Variants in PSD3 observed in about 807,000 individuals in gnomAD.
The protein encoded by PSD3 is PH and SEC7 domain-containing protein 3.
PSD3 carries 49 observed loss-of-function variants against 105.5 expected under a neutral mutation model. The observed-to-expected ratio is 0.46, with a 90% CI of 0.37 to 0.59. The LOEUF is 0.59. PSD3 is among the 20% of genes least tolerant of loss of function. The probability of loss-of-function intolerance (pLI) is 0.00; values close to 1 mark genes in which losing one functional copy is unlikely to be tolerated. For missense variants in PSD3, 1,561 were observed against 1,263.8 expected (o/e 1.24, Z -3.57); for synonymous variants, 557 against 457.8 (o/e 1.22, Z -2.77).
chr8:18,608,414 T>C (rs189901644), intron 11 of PSD3, among the ~76,000 whole-genome samples: 2 of 152,314 alleles, frequency 1.3e-5, no homozygotes, highest in East Asian at 1.9e-4. Flanking sequence ...ACCAACAAGC[T>C]GCTGTGATCG....
intron 11 of PSD3, among the ~76,000 whole-genome samples, chr8:18,609,768 A>C (rs755245824): frequency 1.6e-4 from 24 of 152,232 alleles, no homozygotes; most frequent in Non-Finnish European, 2.8e-4. Context: ...GATTAAGTGA[A>C]GTTAAGGGTA....
intron 1 of PSD3, among the ~76,000 whole-genome samples, chr8:19,058,408 T>A (rs930177048): frequency 6.7e-6 from 1 of 148,528 alleles, no homozygotes; most frequent in Non-Finnish European, 1.5e-5. Flanking sequence ...TATAATATAA[T>A]CTATAATGTA....
chr8:18,871,915 G>T lies in PSD3; in HGVS notation c.949C>A (p.Gln317Lys). The T allele has an allele frequency of 2.5e-6, 4 of 1,614,162 alleles. No homozygotes were observed. Among genetic ancestry groups the T allele is most frequent in the Non-Finnish European group, 3.4e-6 (4 of 1,180,026 alleles). The change falls in exon 3 of 16, where the codon CAG becomes AAG. Residue 317 changes from glutamine (Q) to lysine (K), a missense_variant. By Grantham distance (53) the Gln-to-Lys change is moderately conservative. Coordinates refer to ENST00000327040, the MANE Select transcript of PSD3 (RefSeq NM_015310.4). ...GATGTCTCAAAATCTATAGGATGCT[G>T]GGTCTCTCTCTTGTCTCCTCCTGTC... ...LWTGGDKRET[Q>K]HPIDFETSLQ...
rs118086890 is a variant in PSD3, at chr8:18,687,238, C to T, written c.2173-31553G>A. ...CAGCACTTTGGGAGGCCAAGGCGGGCGGATCACATGAGTCCAAGAGTTCAA... is the reference window on the plus strand; with the variant it reads ...CAGCACTTTGGGAGGCCAAGGCGGGTGGATCACATGAGTCCAAGAGTTCAA... On this transcript the variant is annotated intron_variant, in intron 9 of 15. Transcript: ENST00000327040. 0.01 allele frequency among the ~76,000 whole-genome samples: 1,596 copies of T among 152,246 alleles called. 71 individuals carry two copies. The East Asian group carries it at 0.13, about 13-fold the overall frequency.
At chr8:18,821,712 CACACA>C (rs1812730265) in intron 4 of PSD3, among the ~76,000 whole-genome samples, 2 of 141,904 alleles carry the variant, frequency 1.4e-5, no homozygotes, top group Non-Finnish European at 3.1e-5. Flanking sequence ...CACACACACA[CACACA>C]CCCCAATAAC....
At chr8:18,862,861 T>C (rs1409455629) in intron 4 of PSD3, among the ~76,000 whole-genome samples, 12 of 147,986 alleles carry the variant, frequency 8.1e-5, no homozygotes, top group Non-Finnish European at 1.5e-5. Context: ...GCATTCCATT[T>C]GAGAAGGAGG....
chr8:18,766,463 T>C (rs917750399), intron 8 of PSD3, among the ~76,000 whole-genome samples: 8 of 152,204 alleles, frequency 5.3e-5, no homozygotes, highest in African/African-American at 1.7e-4. Flanking sequence ...CAAAAACTTA[T>C]TATAATGTAG....
At chr8:18,828,054 T>C (rs995718557) in intron 4 of PSD3, among the ~76,000 whole-genome samples, 3 of 112,276 alleles carry the variant, frequency 2.7e-5, no homozygotes, top group Admixed American at 2.1e-4. Context: ...TATGTATATA[T>C]ATATATATAT....
intron 4 of PSD3, among the ~76,000 whole-genome samples, chr8:18,853,504 A>G (rs541166435): frequency 3.1e-4 from 47 of 152,290 alleles, no homozygotes; most frequent in African/African-American, 1.1e-3. Context: ...CTTTCCCAGA[A>G]AGAAACCGTG....
At chr8:18,680,311 CG>C (rs1399035139) in intron 9 of PSD3, among the ~76,000 whole-genome samples, 1 of 152,116 alleles carries the variant, frequency 6.6e-6, no homozygotes, top group Non-Finnish European at 1.5e-5. Flanking sequence ...CCCGAATACC[CG>C]GGGCTGATTG....
At position 18,817,271 on chromosome 8, in the gene PSD3, A is replaced by C. The variant is rs141469077; in HGVS notation, c.1635-12373T>G. Among the ~76,000 whole-genome samples, 152 of 152,326 alleles carry C rather than the reference A, an allele frequency of 1.0e-3. 2 individuals are homozygous for C. The highest frequency in any genetic ancestry group is 3.5e-3 in the African/African-American group (145 of 41,574). ...AGTATCATATATGTACTTTAGACACATGTTAGCTTCCAAAGTTCGTGGGCT... is the reference window on the plus strand; with the variant it reads ...AGTATCATATATGTACTTTAGACACCTGTTAGCTTCCAAAGTTCGTGGGCT... On this transcript the variant is annotated intron_variant, in intron 4 of 15. Transcript: ENST00000327040.
chr8:18,874,284 C>G (rs1418634607), intron 2 of PSD3, among the ~76,000 whole-genome samples: 1 of 151,954 alleles, frequency 6.6e-6, no homozygotes, highest in Non-Finnish European at 1.5e-5. Context: ...GCCCCAGTCT[C>G]CAGAGTAGCT....
At chr8:18,994,160 T>G (rs1253066805) in intron 1 of PSD3, among the ~76,000 whole-genome samples, 2 of 152,012 alleles carry the variant, frequency 1.3e-5, no homozygotes, top group Non-Finnish European at 2.9e-5. Context: ...CTATCTACCT[T>G]ATGAGGGGCA....
At chr8:18,679,226 T>C (rs78992428) in intron 9 of PSD3, among the ~76,000 whole-genome samples, 3,013 of 152,346 alleles carry the variant, frequency 0.02, 62 homozygotes, top group South Asian at 0.075. Flanking sequence ...GCCATTGTAA[T>C]GATTTCTTCA....
At chr8:18,650,253 C>G (rs945900518) in intron 10 of PSD3, among the ~76,000 whole-genome samples, 1 of 152,180 alleles carries the variant, frequency 6.6e-6, no homozygotes, top group African/African-American at 2.4e-5. Flanking sequence ...ATATAAACTC[C>G]CATATCCACC....
intron 1 of PSD3, among the ~76,000 whole-genome samples, chr8:19,004,503 C>T (rs1457189463): frequency 6.6e-6 from 1 of 151,998 alleles, no homozygotes; most frequent in Admixed American, 6.6e-5. Flanking sequence ...AGACAACCCA[C>T]AGAATGAGAG....
chr8:18,532,252 C>A lies in PSD3; in HGVS notation c.*3491G>T, dbSNP rs894999517. On this transcript the variant is annotated 3_prime_UTR_variant, in exon 16 of 16. Coordinates refer to ENST00000327040, the MANE Select transcript of PSD3 (RefSeq NM_015310.4). ...ACTTTGTGTTTAGGCAGTAAGAGGC[C>A]TCTTTCCCTGCTGGTTGCAAAAATT... The A allele has an allele frequency of 6.6e-6, 1 of 152,268 alleles. No homozygotes were observed. Among genetic ancestry groups the A allele is most frequent in the Non-Finnish European group, 1.5e-5 (1 of 68,064 alleles). The allele number at this position is 152,268 out of a possible 1,614,324, so 9.4% of individuals were successfully genotyped here. A position where few individuals can be genotyped will look rare whatever the true frequency, so the allele number is the denominator to read the frequency against.
At position 18,805,467 on chromosome 8, in the gene PSD3, AT is replaced by A. The variant is rs571701102; in HGVS notation, c.1635-570del. 5.8e-3 allele frequency among the ~76,000 whole-genome samples: 891 copies of A among 152,322 alleles called. 8 individuals carry two copies. The highest frequency in any genetic ancestry group is 6.8e-3 in the Non-Finnish European group (460 of 68,020). On this transcript the variant is annotated intron_variant, in intron 4 of 15. Coordinates refer to ENST00000327040, the MANE Select transcript of PSD3 (RefSeq NM_015310.4). ...TCATATTTCATTGGAAAAAAGAAAT[AT>A]TTTAATATCCTTTTCAGATAATTGT... is the stretch of plus-strand genomic sequence containing the variant.
At chr8:18,664,314 CA>C (rs1350116242) in intron 9 of PSD3, among the ~76,000 whole-genome samples, 1 of 152,058 alleles carries the variant, frequency 6.6e-6, no homozygotes, top group Non-Finnish European at 1.5e-5. Context: ...AGGGAACACA[CA>C]AAATATAAGA....
Sources: allele counts gnomAD v4.1 joint callset (sites outside exome capture counted in the v4.1 genomes callset), GRCh38; gene constraint gnomAD v4.1.1; transcripts MANE v1.5; gene names NCBI Gene and HGNC (gene_info 2026-07-23, HGNC 2026-07-21).